Variants in MLLT3 observed in about 807,000 individuals in gnomAD.
The protein encoded by MLLT3 is protein AF-9.
A neutral mutation model predicts 53.2 loss-of-function variants in MLLT3; 4 were observed. That is an observed-to-expected ratio of 0.08 (90% CI 0.04 to 0.17). The LOEUF is 0.17. MLLT3 is among the 10% of genes least tolerant of loss of function. MLLT3 has a pLI of 1.00. For synonymous variants in MLLT3, 283 were observed against 230.6 expected (o/e 1.23, Z -2.06); for missense variants, 569 against 684.0 (o/e 0.83, Z 1.87).
At chr9:20,356,293 G>C (rs1190083607) in intron 8 of MLLT3, among the ~76,000 whole-genome samples, 1 of 151,954 alleles carries the variant, frequency 6.6e-6, no homozygotes, top group Non-Finnish European at 1.5e-5. Flanking sequence ...AATTTGACCA[G>C]GCTAACTTAA....
chr9:20,540,436 C>T lies in MLLT3; in HGVS notation c.193+80218G>A, dbSNP rs141799879. Among the ~76,000 whole-genome samples the T allele has an allele frequency of 1.9e-3, 284 of 152,324 alleles. 4 individuals are homozygous for T. The highest frequency in any genetic ancestry group is 0.01 in the Middle Eastern group (3 of 294). ...TCCTCTGAAATCTAGGCAGAGGTTC[C>T]CAAACCTCAATTCTTGCCTTCTGCA... On this transcript the variant is annotated intron_variant, in intron 2 of 10. Coordinates refer to ENST00000380338, the MANE Select transcript of MLLT3 (RefSeq NM_004529.4).
At chr9:20,553,255 C>G (rs969437506) in intron 2 of MLLT3, among the ~76,000 whole-genome samples, 1 of 152,172 alleles carries the variant, frequency 6.6e-6, no homozygotes, top group African/African-American at 2.4e-5. Context: ...AACAGTTTCA[C>G]AAAGGAAGAA....
intron 4 of MLLT3, among the ~76,000 whole-genome samples, chr9:20,438,270 C>A (rs911720357): frequency 6.6e-6 from 1 of 152,186 alleles, no homozygotes; most frequent in African/African-American, 2.4e-5. Context: ...ATAAATAGTG[C>A]CACTGCAAAT....
chr9:20,383,821 T>C (rs1821964493), intron 5 of MLLT3, among the ~76,000 whole-genome samples: 2 of 151,920 alleles, frequency 1.3e-5, no homozygotes, highest in South Asian at 2.1e-4. Context: ...AGGCAGCTGA[T>C]AAAGTACCTA....
At chr9:20,415,301 G>T in intron 4 of MLLT3, 1 of 191,566 alleles carries the variant, frequency 5.2e-6, no homozygotes, top group Non-Finnish European at 9.6e-6. Flanking sequence ...ACTGTATTTT[G>T]ATCATGAGAA....
intron 2 of MLLT3, among the ~76,000 whole-genome samples, chr9:20,489,212 G>C (rs939119427): frequency 6.6e-6 from 1 of 152,148 alleles, no homozygotes; most frequent in Non-Finnish European, 1.5e-5. Context: ...GGAATAGAAA[G>C]AATATTGGAA....
chr9:20,474,752 T>C (rs1824479774), intron 2 of MLLT3, among the ~76,000 whole-genome samples: 1 of 152,110 alleles, frequency 6.6e-6, no homozygotes, highest in South Asian at 2.1e-4. Flanking sequence ...CTCCCACAGC[T>C]ACTAAGCTGG....
At chr9:20,548,981 A>T (rs1248904559) in intron 2 of MLLT3, among the ~76,000 whole-genome samples, 1 of 152,008 alleles carries the variant, frequency 6.6e-6, no homozygotes, top group Non-Finnish European at 1.5e-5. Context: ...TACCCGGCTA[A>T]TTTTAGTATT....
chr9:20,521,217 T>C (rs1165403991), intron 2 of MLLT3, among the ~76,000 whole-genome samples: 1 of 152,046 alleles, frequency 6.6e-6, no homozygotes, highest in African/African-American at 2.4e-5. Flanking sequence ...ACTTCAGGTA[T>C]GCACCATCGC....
intron 2 of MLLT3, among the ~76,000 whole-genome samples, chr9:20,582,248 T>C (rs1393491676): frequency 2.0e-5 from 3 of 152,292 alleles, no homozygotes; most frequent in African/African-American, 7.2e-5. Flanking sequence ...CTAAAGTCCA[T>C]CCCTTACATT....
intron 3 of MLLT3, among the ~76,000 whole-genome samples, chr9:20,452,082 G>A (rs1224005064): frequency 1.3e-5 from 2 of 152,134 alleles, no homozygotes; most frequent in Non-Finnish European, 2.9e-5. Context: ...ACCAAGGACA[G>A]GATATCTTTA....
intron 6 of MLLT3, among the ~76,000 whole-genome samples, chr9:20,363,957 G>C (rs1821387183): frequency 6.6e-6 from 1 of 152,186 alleles, no homozygotes; most frequent in South Asian, 2.1e-4. Context: ...GAGAAGTTGA[G>C]ATTAATAAAT....
chr9:20,379,580 C>T (rs1821857071), intron 5 of MLLT3, among the ~76,000 whole-genome samples: 1 of 152,038 alleles, frequency 6.6e-6, no homozygotes, highest in African/African-American at 2.4e-5. Flanking sequence ...CTTAACATTC[C>T]TCTGTTTTTA....
At chr9:20,565,504 C>G (rs1263363459) in intron 2 of MLLT3, among the ~76,000 whole-genome samples, 1 of 152,022 alleles carries the variant, frequency 6.6e-6, no homozygotes, top group Non-Finnish European at 1.5e-5. Flanking sequence ...CTGTCCTCCC[C>G]ACTCTCATAA....
At chr9:20,489,367 AG>A (rs1824890997) in intron 2 of MLLT3, among the ~76,000 whole-genome samples, 1 of 152,214 alleles carries the variant, frequency 6.6e-6, no homozygotes, top group Non-Finnish European at 1.5e-5. Flanking sequence ...GGCATCTTAA[AG>A]GTGAAGATTT....
In MLLT3 at chr9:20,622,335, A is replaced by T. The variant is rs905994728; in HGVS notation, c.-79T>A. 1 of 1,322,686 alleles carries T rather than the reference A, an allele frequency of 7.6e-7. No homozygotes were observed. Among genetic ancestry groups the T allele is most frequent in the Non-Finnish European group, 1.0e-6 (1 of 976,656 alleles). 81.9% of individuals were successfully genotyped at this position (1,322,686 alleles called of 1,614,324 possible). A position where few individuals can be genotyped will look rare whatever the true frequency, so the allele number is the denominator to read the frequency against. ...GCCCCCCCTCAGCTGTAATTCATGA[A>T]GAGGCTGCTATGAATGAGAGCGCGC... On this transcript the variant is annotated 5_prime_UTR_variant, in exon 1 of 11. Transcript: ENST00000380338.
intron 2 of MLLT3, among the ~76,000 whole-genome samples, chr9:20,467,779 G>C (rs1586971726): frequency 6.6e-6 from 1 of 152,296 alleles, no homozygotes; most frequent in African/African-American, 2.4e-5. Flanking sequence ...GGAGGAAAAA[G>C]GAGGCTGAAG....
chr9:20,580,680 G>A (rs940800857), intron 2 of MLLT3, among the ~76,000 whole-genome samples: 1 of 152,164 alleles, frequency 6.6e-6, no homozygotes, highest in Non-Finnish European at 1.5e-5. Flanking sequence ...CATAGGCATG[G>A]CTTATCAATG....
At chr9:20,437,371 A>T (rs1823431083) in intron 4 of MLLT3, among the ~76,000 whole-genome samples, 1 of 152,322 alleles carries the variant, frequency 6.6e-6, no homozygotes, top group East Asian at 1.9e-4. Context: ...ATTAAAAAAG[A>T]AAAATAAACT....
Sources: allele counts gnomAD v4.1 joint callset (sites outside exome capture counted in the v4.1 genomes callset), GRCh38; gene constraint gnomAD v4.1.1; transcripts MANE v1.5; gene names NCBI Gene and HGNC (gene_info 2026-07-23, HGNC 2026-07-21).